The following GDPD4 variants were observed in gnomAD, a reference collection of about 807,000 sequenced individuals.
GDPD4 encodes glycerophosphodiester phosphodiesterase 6.
GDPD4 carries 60 observed loss-of-function variants against 67.8 expected under a neutral mutation model. That is an observed-to-expected ratio of 0.88 (90% CI 0.72 to 1.10). The LOEUF (loss-of-function observed/expected upper bound fraction) is 1.10. GDPD4 is among the 50% of genes least tolerant of loss of function. GDPD4 has a pLI of 0.00. For synonymous variants in GDPD4, 212 were observed against 210.9 expected, an observed-to-expected ratio of 1.00 and a Z score of -0.04; for missense variants, 623 against 613.9, an observed-to-expected ratio of 1.01 and a Z score of -0.16.
At chr11:77,245,591 C>T in intron 11 of GDPD4, 89 bp from the exon 12 acceptor site, 6 of 803,166 alleles carry the variant, frequency 7.5e-6, no homozygotes, top group South Asian at 5.1e-5. Context: ...TCAGTTGCTC[C>T]ATTATCATTC....
chr11:77,272,939 T>C (rs570763126), intron 5 of GDPD4, among the ~76,000 whole-genome samples: 7 of 152,210 alleles, frequency 4.6e-5, no homozygotes, highest in African/African-American at 1.4e-4. Flanking sequence ...ACAGGCGTCA[T>C]TTTGGTTTTT....
chr11:77,286,505 C>T (rs936675057), intron 2 of GDPD4, among the ~76,000 whole-genome samples: 1 of 152,154 alleles, frequency 6.6e-6, no homozygotes, highest in Admixed American at 6.5e-5. Flanking sequence ...CATTTCCTAC[C>T]CCTTTCCTTG....
intron 7 of GDPD4, chr11:77,270,851 A>G: frequency 3.0e-6 from 1 of 338,322 alleles, no homozygotes; most frequent in East Asian, 6.5e-5. Context: ...ATCTTCAGAC[A>G]GTCAATGTAT....
intron 1 of GDPD4, among the ~76,000 whole-genome samples, chr11:77,293,840 G>T (rs1160284165): frequency 2.6e-5 from 4 of 152,076 alleles, no homozygotes; most frequent in Admixed American, 2.6e-4. Context: ...TTTTTTCTAA[G>T]ATCAGAAACA....
At chr11:77,280,177 G>A (rs1187530496) in intron 3 of GDPD4, among the ~76,000 whole-genome samples, 11 of 151,856 alleles carry the variant, frequency 7.2e-5, no homozygotes, top group Non-Finnish European at 1.5e-4. Flanking sequence ...TGTAGAAGAT[G>A]AGCTCACAAT....
chr11:77,252,155 C>A (rs759492741), intron 11 of GDPD4, among the ~76,000 whole-genome samples: 95 of 151,588 alleles, frequency 6.3e-4, no homozygotes, highest in Non-Finnish European at 1.1e-3. Flanking sequence ...CCTCCCCCTC[C>A]CGGGTTCAAG....
chr11:77,241,541 G>A (rs1958664142), intron 13 of GDPD4, among the ~76,000 whole-genome samples: 1 of 149,912 alleles, frequency 6.7e-6, no homozygotes, highest in Admixed American at 6.7e-5. Flanking sequence ...GAGAAGCTGA[G>A]GTAAGAGGAC....
intron 11 of GDPD4, among the ~76,000 whole-genome samples, chr11:77,245,873 T>C (rs1369516548): frequency 6.6e-6 from 1 of 152,200 alleles, no homozygotes; most frequent in Non-Finnish European, 1.5e-5. Context: ...GAACACATGC[T>C]TTGGCTTCAA....
intron 14 of GDPD4, among the ~76,000 whole-genome samples, chr11:77,232,068 G>A (rs1287951067): frequency 6.6e-6 from 1 of 152,174 alleles, no homozygotes; most frequent in Non-Finnish European, 1.5e-5. Context: ...AGATCTGGAG[G>A]AGGTGACTTG....
intron 16 of GDPD4, among the ~76,000 whole-genome samples, chr11:77,219,270 T>C (rs1958183162): frequency 6.6e-6 from 1 of 152,240 alleles, no homozygotes; most frequent in Non-Finnish European, 1.5e-5. Flanking sequence ...TCTTTGTAGA[T>C]TCCAGGTATT....
rs1248411492 is a variant in GDPD4, at chr11:77,239,919, G to A, written c.1241+3775C>T. ...AGAGGTTGCAATGGGCAGAGATTGTGCCACTGCACTCCAGCCTAGATGACG... is the reference window on the plus strand; with the variant it reads ...AGAGGTTGCAATGGGCAGAGATTGTACCACTGCACTCCAGCCTAGATGACG... On this transcript the variant is annotated intron_variant, in intron 13 of 16. Transcript: ENST00000315938. Among the ~76,000 whole-genome samples, 8 of 150,326 alleles carry A rather than the reference G, an allele frequency of 5.3e-5. No individual in the cohort carries two copies. In the South Asian group the frequency reaches 1.7e-3, roughly 31 times the overall value.
chr11:77,271,578 C>T (rs1689483236), intron 5 of GDPD4, among the ~76,000 whole-genome samples, 185 bp from the exon 6 acceptor site: 1 of 152,140 alleles, frequency 6.6e-6, no homozygotes, highest in African/African-American at 2.4e-5. Context: ...TGGAACTAAT[C>T]ATTCACCTTC....
chr11:77,260,013 A>G (rs77270474), intron 10 of GDPD4, among the ~76,000 whole-genome samples: 34 of 152,224 alleles, frequency 2.2e-4, no homozygotes, highest in East Asian at 1.4e-3. Flanking sequence ...ACTCCAGAAG[A>G]TCACACCTTA....
chr11:77,270,085 C>T, intron 7 of GDPD4, 125 bp from the exon 8 acceptor site: 1 of 562,390 alleles, frequency 1.8e-6, no homozygotes, highest in Non-Finnish European at 3.1e-6. Context: ...ACAATGGCAG[C>T]ACTATCTATG....
At chr11:77,270,826 C>T (rs1011228835) in intron 7 of GDPD4, 27 of 282,264 alleles carry the variant, frequency 9.6e-5, no homozygotes, top group African/African-American at 3.4e-4. Flanking sequence ...GCCTCTACTG[C>T]GTCACCCACC....
rs1171478199 is a variant in GDPD4 at position 77,217,212 on chromosome 11, C to T, written c.*65G>A. 1.6e-6 allele frequency: 2 copies of T among 1,223,806 alleles called. No homozygotes were observed. Among genetic ancestry groups the T allele is most frequent in the Admixed American group, 1.7e-5 (1 of 59,504 alleles). The allele number at this position is 1,223,806 out of a possible 1,614,324, so 75.8% of individuals were successfully genotyped here. On this transcript the variant is annotated 3_prime_UTR_variant, in exon 17 of 17. Coordinates refer to ENST00000315938, the MANE Select transcript of GDPD4 (RefSeq NM_182833.3). Reference sequence around the variant, plus strand: ...TTGGGTAGAGCCGGGTAGAGGGCTGCTAGAGTCCAAGGACCTTCCACAACT... The same window carrying T: ...TTGGGTAGAGCCGGGTAGAGGGCTGTTAGAGTCCAAGGACCTTCCACAACT...
chr11:77,285,296 C>A, intron 2 of GDPD4, 109 bp from the exon 3 acceptor site: 1 of 617,972 alleles, frequency 1.6e-6, no homozygotes, highest in Non-Finnish European at 2.9e-6. Flanking sequence ...CATGCATTAC[C>A]CTCCTGAGGC....
rs188566461 is a variant in GDPD4, at chr11:77,219,540, G to C, written c.1526-2226C>G. 6.2e-3 allele frequency among the ~76,000 whole-genome samples: 950 copies of C among 152,246 alleles called. 13 individuals are homozygous for C. The highest frequency in any genetic ancestry group is 0.022 in the African/African-American group (914 of 41,548). On this transcript the variant is annotated intron_variant, in intron 16 of 16. Transcript: ENST00000315938. Reference sequence around the variant, plus strand: ...AACATTTAAGCCTTTACTCCATCTTGAATTAATTTTTGTATAAGGAGTAAG... The same window carrying C: ...AACATTTAAGCCTTTACTCCATCTTCAATTAATTTTTGTATAAGGAGTAAG...
At chr11:77,256,160 G>T (rs956059208) in intron 11 of GDPD4, among the ~76,000 whole-genome samples, 1 of 152,094 alleles carries the variant, frequency 6.6e-6, no homozygotes, top group African/African-American at 2.4e-5. Flanking sequence ...TCAATTTTAG[G>T]AGTAAGTTTA....
Sources: allele counts gnomAD v4.1 joint callset (sites outside exome capture counted in the v4.1 genomes callset), GRCh38; gene constraint gnomAD v4.1.1; transcripts MANE v1.5; gene names NCBI Gene and HGNC (gene_info 2026-07-23, HGNC 2026-07-21).